ZNF680: variants seen among roughly 807,000 people sequenced by gnomAD.
ZNF680 encodes the protein zinc finger protein 680.
In ZNF680, 6 loss-of-function variants were observed where a neutral mutation model predicts 12.1. The ratio of observed to expected loss-of-function variants is 0.49; its 90% CI spans 0.27 to 0.98. The LOEUF (loss-of-function observed/expected upper bound fraction) is 0.98, where lower values mean the gene tolerates loss of function less well. Among genes scored for constraint, ZNF680 ranks in the 50% least tolerant of loss-of-function variants. ZNF680 has a pLI of 0.12. For missense variants in ZNF680, 561 were observed against 616.3 expected, an observed-to-expected ratio of 0.91 and a Z score of 0.95; for synonymous variants, 170 against 199.3, an observed-to-expected ratio of 0.85 and a Z score of 1.24.
the ZNF680 span, among the ~76,000 whole-genome samples, chr7:64,504,770 T>G: frequency 6.6e-6 from 1 of 152,216 alleles, no homozygotes; most frequent in Non-Finnish European, 1.5e-5. Context: ...ATTAGGGTCT[T>G]AATTTAATCG....
intron 1 of ZNF680, among the ~76,000 whole-genome samples, chr7:64,546,457 C>T (rs1347156837): frequency 6.6e-6 from 1 of 152,160 alleles, no homozygotes; most frequent in East Asian, 1.9e-4. Context: ...ATACAAGTTT[C>T]TCGGCCAGGC....
chr7:64,525,862 A>C (rs1015428900), intron 3 of ZNF680: 1 of 985,178 alleles, frequency 1.0e-6, no homozygotes, highest in Non-Finnish European at 1.2e-6. Context: ...ATTTGCAACA[A>C]ACCTATACCA....
Position 64,522,276 on chromosome 7 carries a change from C to T in ZNF680, c.478G>A (p.Val160Met), listed in dbSNP as rs531055436. Reference sequence around the variant, plus strand: ...TTTGAAAATTTATGAAAGACTTTCACGTATTTATCACATTGAAATATTTTG... The same window carrying T: ...TTTGAAAATTTATGAAAGACTTTCATGTATTTATCACATTGAAATATTTTG... Reference protein sequence around the residue: ...QSKIFQCDKYVKVFHKFSNSN... With the variant: ...QSKIFQCDKYMKVFHKFSNSN... The change falls in exon 4 of 4, where the codon GTG (valine) becomes ATG (methionine). Residue 160 changes from valine (V) to methionine (M), a missense_variant. Coordinates refer to ENST00000309683, the MANE Select transcript of ZNF680 (RefSeq NM_178558.5). 1.9e-5 allele frequency: 30 copies of T among 1,612,868 alleles called. No individual in the cohort carries two copies. In the African/African-American group the frequency reaches 1.9e-4, roughly 10 times the overall value.
chr7:64,522,244 GTTTGAA>G lies in ZNF680; in HGVS notation c.504_509del (p.Asn170_Ser171del), dbSNP rs748818726. On this transcript the variant is annotated inframe_deletion, in exon 4 of 4. Transcript: ENST00000309683. ...TTCCAGTATTTCTTTTCTTATGACT[GTTTGAA>G]TTTGAAAATTTATGAAAGACTTTCA... 6.2e-7 allele frequency: 1 copy of G among 1,612,494 alleles called. No individual in the cohort carries two copies. Among genetic ancestry groups the G allele is most frequent in the Admixed American group, 1.7e-5 (1 of 59,798 alleles).
At chr7:64,508,123 G>GTGTATATATATATATATATATATATATA in the ZNF680 span, among the ~76,000 whole-genome samples, 3 of 117,684 alleles carry the variant, frequency 2.5e-5, no homozygotes, top group African/African-American at 1.3e-4. Flanking sequence ...ATTTTAAAAT[G>GTGTATATATATATATATATATATATATA]TATATATATA....
rs547200252 is a variant in ZNF680, at chr7:64,523,912, C to CAA, written c.254-1414_254-1413dup. On this transcript the variant is annotated intron_variant, in intron 3 of 3. Transcript: ENST00000309683. The stretch of plus-strand genomic sequence containing the variant: ...TGGGCGACAGAGCGAGACTCCATCT[C>CAA]AAAAAAAAAAAAAGAATTTTAAAAA... 6.9e-5 allele frequency among the ~76,000 whole-genome samples: 8 copies of CAA among 115,260 alleles called. No homozygotes were observed. In the East Asian group the frequency reaches 7.0e-4, roughly 10 times the overall value. 75.6% of individuals were successfully genotyped at this position (115,260 alleles called of 152,430 possible).
intron 1 of ZNF680, among the ~76,000 whole-genome samples, chr7:64,562,262 T>A (rs935487599): frequency 1.2e-4 from 18 of 150,280 alleles, no homozygotes; most frequent in Non-Finnish European, 2.4e-4. Context: ...CTAACTCAAA[T>A]ACATTGTTTT....
chr7:64,501,713 G>A, the ZNF680 span: 1 of 1,035,906 alleles, frequency 9.7e-7, no homozygotes. Context: ...AGCGCCAATG[G>A]CAAAAATGAC....
the ZNF680 span, among the ~76,000 whole-genome samples, chr7:64,511,307 C>A: frequency 2.0e-5 from 3 of 152,010 alleles, no homozygotes; most frequent in Non-Finnish European, 2.9e-5. Context: ...AACACAAAAA[C>A]TTTTAACCAG....
chr7:64,555,262 G>A lies in ZNF680; in HGVS notation c.30+7663C>T, dbSNP rs10273947. ...TACTCCAAAATTGACCACACAATCAGAAATAAAACAACCCTCAGCAAATTC... is the reference window on the plus strand; with the variant it reads ...TACTCCAAAATTGACCACACAATCAAAAATAAAACAACCCTCAGCAAATTC... On this transcript the variant is annotated intron_variant, in intron 1 of 3. Coordinates refer to ENST00000309683, the MANE Select transcript of ZNF680 (RefSeq NM_178558.5). 4.7e-3 allele frequency among the ~76,000 whole-genome samples: 711 copies of A among 150,524 alleles called. 15 individuals carry two copies. Among genetic ancestry groups the A allele is most frequent in the African/African-American group, 0.016 (661 of 40,936 alleles).
At chr7:64,503,748 T>C in the ZNF680 span, among the ~76,000 whole-genome samples, 1 of 152,200 alleles carries the variant, frequency 6.6e-6, no homozygotes, top group Non-Finnish European at 1.5e-5. Context: ...TCATTTTCTA[T>C]CTGCATCCTC....
At chr7:64,526,796 A>G (rs191488978) in intron 3 of ZNF680, among the ~76,000 whole-genome samples, 1 of 152,222 alleles carries the variant, frequency 6.6e-6, no homozygotes, top group Non-Finnish European at 1.5e-5. Context: ...TAGTTTTTGC[A>G]TTAAATTGAA....
chr7:64,511,564 A>C, the ZNF680 span, among the ~76,000 whole-genome samples: 1 of 151,960 alleles, frequency 6.6e-6, no homozygotes, highest in African/African-American at 2.4e-5. Flanking sequence ...TTTGCTGCTA[A>C]AAAAAATCTT....
In ZNF680 at chr7:64,538,327, T is replaced by C. The variant is rs146616526; in HGVS notation, c.253+5380A>G. Among the ~76,000 whole-genome samples the C allele has an allele frequency of 1.8e-4, 27 of 152,316 alleles. No individual in the cohort carries two copies. In the East Asian group the frequency reaches 4.2e-3, roughly 24 times the overall value. On this transcript the variant is annotated intron_variant, in intron 3 of 3. Coordinates refer to ENST00000309683, the MANE Select transcript of ZNF680 (RefSeq NM_178558.5). ...TCAAAGAAAACATTCAAAAGAGTAA[T>C]GATGCCTCCTAGGAAATGGGTGAAA...
chr7:64,537,674 TC>T (rs1786242061), intron 3 of ZNF680, among the ~76,000 whole-genome samples: 1 of 152,132 alleles, frequency 6.6e-6, no homozygotes, highest in Non-Finnish European at 1.5e-5. Flanking sequence ...ACGCCTGTAA[TC>T]CCAGCATTTT....
chr7:64,537,793 G>C (rs1786252370), intron 3 of ZNF680, among the ~76,000 whole-genome samples: 1 of 152,258 alleles, frequency 6.6e-6, no homozygotes, highest in East Asian at 1.9e-4. Context: ...AGCCGGGCGT[G>C]GTGGCGGGCG....
At chr7:64,523,912 C>CA (rs547200252) in intron 3 of ZNF680, among the ~76,000 whole-genome samples, 4,433 of 115,074 alleles carry the variant, frequency 0.039, 318 homozygotes, top group East Asian at 0.36. Flanking sequence ...GACTCCATCT[C>CA]AAAAAAAAAA....
intron 3 of ZNF680, among the ~76,000 whole-genome samples, chr7:64,524,390 T>TA (rs1791721449): frequency 6.6e-6 from 1 of 151,930 alleles, no homozygotes; most frequent in African/African-American, 2.4e-5. Flanking sequence ...TCAGCCTCCC[T>TA]AAGTGCTGGG....
chr7:64,539,384 A>AAAAAAAAAAC (rs1308240255), intron 3 of ZNF680, among the ~76,000 whole-genome samples: 1 of 144,912 alleles, frequency 6.9e-6, no homozygotes, highest in Non-Finnish European at 1.5e-5. Context: ...AAGAAAAGAA[A>AAAAAAAAAAC]ATCTTGTCCC....
Sources: gnomAD v4.1 joint callset for allele counts (sites outside exome capture counted in the v4.1 genomes callset) on GRCh38, gnomAD v4.1.1 for gene constraint, MANE v1.5 for transcripts, NCBI Gene and HGNC (gene_info 2026-07-23, HGNC 2026-07-21) for gene names.